The following KDR variants were observed in gnomAD, a reference collection of about 807,000 sequenced individuals.
KDR encodes the protein kinase insert domain receptor, also known as vascular endothelial growth factor receptor 2.
Under a neutral mutation model 160.9 loss-of-function variants are expected in KDR, and 43 were observed. The ratio of observed to expected loss-of-function variants is 0.27; its 90% CI spans 0.21 to 0.34. The LOEUF (loss-of-function observed/expected upper bound fraction) is 0.34. Among genes scored for constraint, KDR ranks in the 10% least tolerant of loss-of-function variants. KDR has a pLI of 1.00. For missense variants in KDR, 1,469 were observed against 1,666.4 expected (o/e 0.88, Z 2.06); for synonymous variants, 617 against 600.1 (o/e 1.03, Z -0.41).
At position 55,107,864 on chromosome 4, in the gene KDR, T is replaced by C; in HGVS notation, c.1285A>G (p.Ile429Val). 1 of 1,613,886 alleles carries C rather than the reference T, an allele frequency of 6.2e-7. No individual in the cohort carries two copies. Among genetic ancestry groups the C allele is most frequent in the Non-Finnish European group, 8.5e-7 (1 of 1,179,886 alleles). ...VPPQIGEKSL[I>V]SPVDSYQYGT... The stretch of plus-strand genomic sequence containing the variant: ...TACTGGTAGGAATCCACAGGAGAGA[T>C]TAGAGATTTCTCACCAATCTGGGGT... The change falls in exon 10 of 30, where the codon ATC becomes GTC. Residue 429 changes from isoleucine (I) to valine (V), a missense_variant. By Grantham distance (29) the Ile-to-Val change is conservative. Coordinates refer to ENST00000263923, the MANE Select transcript of KDR (RefSeq NM_002253.4).
At chr4:55,097,955 A>G (rs1443219749) in intron 17 of KDR, among the ~76,000 whole-genome samples, 182 bp downstream of exon 17, 1 of 151,738 alleles carries the variant, frequency 6.6e-6, no homozygotes, top group Non-Finnish European at 1.5e-5. Flanking sequence ...CCTGCTTTGG[A>G]TGATTACATA....
chr4:55,097,284 C>T (rs576345589), intron 18 of KDR, among the ~76,000 whole-genome samples: 2 of 152,260 alleles, frequency 1.3e-5, no homozygotes, highest in South Asian at 2.1e-4. Context: ...TTGTATTTCA[C>T]TATCTTCCTT....
rs772035220 is a variant in KDR at position 55,082,596 on chromosome 4, C to A, written c.3702G>T (p.Val1234=). The A allele has an allele frequency of 8.1e-6, 13 of 1,613,856 alleles. No homozygotes were observed. The highest frequency in any genetic ancestry group is 1.1e-5 in the Non-Finnish European group (13 of 1,179,924). The change falls in exon 28 of 30, where the codon GTG becomes GTT. Residue 1234 remains valine (V), a synonymous_variant. Coordinates refer to ENST00000263923, the MANE Select transcript of KDR (RefSeq NM_002253.4). The stretch of plus-strand genomic sequence containing the variant: ...GGATATCTTCAAATGTTTTTACACT[C>A]ACAGGCCGGCTCTTTCGCTTACTGT... ...LQNSKRKSRP[V]SVKTFEDIPL...
At chr4:55,103,125 T>G (rs555036839) in intron 13 of KDR, among the ~76,000 whole-genome samples, 1 of 152,190 alleles carries the variant, frequency 6.6e-6, no homozygotes, top group East Asian at 1.9e-4. Flanking sequence ...ACCAGTTCAG[T>G]GCTATTTCCA....
Position 55,122,312 on chromosome 4 carries a change from T to C in KDR, c.68-1122A>G, listed in dbSNP as rs549914846. Among the ~76,000 whole-genome samples the C allele has an allele frequency of 5.3e-4, 80 of 152,264 alleles. 1 individual carries two copies. Among genetic ancestry groups the C allele is most frequent in the African/African-American group, 1.7e-3 (71 of 41,560 alleles). ...AAAATTGTCCACTATGCTAGGGTCT[T>C]AATAAATATCAAGACCTAGAAAATA... On this transcript the variant is annotated intron_variant, in intron 1 of 29. Coordinates refer to ENST00000263923, the MANE Select transcript of KDR (RefSeq NM_002253.4).
intron 9 of KDR, among the ~76,000 whole-genome samples, chr4:55,108,157 T>C (rs1349882792): frequency 7.5e-6 from 1 of 133,788 alleles, no homozygotes; most frequent in Non-Finnish European, 1.6e-5. Flanking sequence ...GCCCAGGAGA[T>C]CAAGACCAGC....
chr4:55,089,806 C>A lies in KDR; in HGVS notation c.3193-4G>T, dbSNP rs748336124. The A allele has an allele frequency of 1.2e-6, 2 of 1,613,450 alleles. No individual in the cohort carries two copies. Among genetic ancestry groups the A allele is most frequent in the African/African-American group, 1.3e-5 (1 of 75,008 alleles). ...TCCATTTCAAAGGGAGGCGAGCCTACAGGGGTAGAAGACAAGGATTCAGAA... is the reference window on the plus strand; with the variant it reads ...TCCATTTCAAAGGGAGGCGAGCCTAAAGGGGTAGAAGACAAGGATTCAGAA... On this transcript the variant is annotated splice_polypyrimidine_tract_variant and splice_region_variant and intron_variant, in intron 23 of 29. Coordinates refer to ENST00000263923, the MANE Select transcript of KDR (RefSeq NM_002253.4).
At chr4:55,099,374 T>C (rs1720253554) in intron 15 of KDR, among the ~76,000 whole-genome samples, 1 of 152,126 alleles carries the variant, frequency 6.6e-6, no homozygotes, top group South Asian at 2.1e-4. Flanking sequence ...CATGTAAACT[T>C]ACAACAATAA....
At chr4:55,092,421 A>T in intron 22 of KDR, 196 bp downstream of exon 22, 2 of 601,548 alleles carry the variant, frequency 3.3e-6, no homozygotes, top group Admixed American at 4.8e-5. Flanking sequence ...AGCCTTTATT[A>T]TACAGCTTAA....
At chr4:55,085,363 T>C (rs1368290499) in intron 27 of KDR, among the ~76,000 whole-genome samples, 2 of 152,204 alleles carry the variant, frequency 1.3e-5, no homozygotes. Context: ...ATCATGAAGC[T>C]AGCTCCCACA....
In KDR at chr4:55,121,082, A is replaced by AGAAT. The variant is rs1560525404; in HGVS notation, c.161+11_161+14dup. The AGAAT allele has an allele frequency of 1.9e-6, 3 of 1,546,274 alleles. No individual in the cohort carries two copies. Among genetic ancestry groups the AGAAT allele is most frequent in the Non-Finnish European group, 2.7e-6 (3 of 1,118,580 alleles). On this transcript the variant is annotated intron_variant, in intron 2 of 29. Transcript: ENST00000263923. ...TACTTAACACAAGAAATCTAGATCT[A>AGAAT]GAATGAATCCTTACCTGCAAGTAAT...
At chr4:55,108,123 C>T (rs6846151) in intron 9 of KDR, among the ~76,000 whole-genome samples, 2 of 150,702 alleles carry the variant, frequency 1.3e-5, no homozygotes, top group South Asian at 2.1e-4. Context: ...TATTTTGGGA[C>T]GCCAAGGTAG....
chr4:55,105,056 C>T, intron 12 of KDR, 72 bp from the exon 13 acceptor site: 1 of 1,238,494 alleles, frequency 8.1e-7, no homozygotes. Context: ...TTGCTGCTTT[C>T]AGACTACTAC....
intron 29 of KDR, among the ~76,000 whole-genome samples, chr4:55,081,186 GT>G (rs1020995192): frequency 2.0e-5 from 3 of 151,800 alleles, no homozygotes; most frequent in South Asian, 2.1e-4. Context: ...ATATGTTGGG[GT>G]TTTTTTTGTT....
intron 26 of KDR, among the ~76,000 whole-genome samples, chr4:55,088,347 G>C (rs943779560): frequency 6.6e-6 from 1 of 152,164 alleles, no homozygotes; most frequent in African/African-American, 2.4e-5. Context: ...CTGTTCAAAA[G>C]AAAAGAAAGA....
intron 11 of KDR, among the ~76,000 whole-genome samples, chr4:55,106,302 T>A (rs1310723846): frequency 1.3e-5 from 2 of 152,152 alleles, no homozygotes; most frequent in Non-Finnish European, 2.9e-5. Context: ...TTGGGGTTTT[T>A]AGGTTTGGGA....
At position 55,080,100 on chromosome 4, in the gene KDR, G is replaced by A. The variant is rs759445937; in HGVS notation, c.3912C>T (p.Gly1304=). 1 of 1,614,078 alleles carries A rather than the reference G, an allele frequency of 6.2e-7. No individual in the cohort carries two copies. Among genetic ancestry groups the A allele is most frequent in the South Asian group, 1.1e-5 (1 of 91,060 alleles). Residue 1304 remains glycine (G), a synonymous_variant, in exon 30 of 30, where the codon GGC becomes GGT. Coordinates refer to ENST00000263923, the MANE Select transcript of KDR (RefSeq NM_002253.4). ...VASEGSNQTS[G]YQSGYHSDDT... is the part of the protein sequence containing the mutation. ...CATCGGAGTGATATCCGGACTGGTA[G>A]CCGCTTGTCTGGTTTGAGCCTTCAG...
intron 17 of KDR, 103 bp from the exon 18 acceptor site, chr4:55,097,869 T>G (rs569969005): frequency 1.1e-6 from 1 of 887,732 alleles, no homozygotes; most frequent in Non-Finnish European, 1.9e-6. Flanking sequence ...TACATCCCAA[T>G]TTAACATGGA....
At chr4:55,082,271 T>C (rs1719753630) in intron 28 of KDR, among the ~76,000 whole-genome samples, 1 of 152,214 alleles carries the variant, frequency 6.6e-6, no homozygotes, top group South Asian at 2.1e-4. Context: ...CAGCTGAGAA[T>C]GCCTGTTACC....
Sources: gnomAD v4.1 joint callset for allele counts (sites outside exome capture counted in the v4.1 genomes callset) on GRCh38, gnomAD v4.1.1 for gene constraint, MANE v1.5 for transcripts, NCBI Gene and HGNC (gene_info 2026-07-23, HGNC 2026-07-21) for gene names.